RASA1: variants seen among roughly 807,000 people sequenced by gnomAD.
RASA1 encodes the protein ras GTPase-activating protein 1.
Under a neutral mutation model 132.2 loss-of-function variants are expected in RASA1, and 25 were observed. That is an observed-to-expected ratio of 0.19 (90% confidence interval 0.14 to 0.26). RASA1 has a LOEUF of 0.26. Ranked by LOEUF, RASA1 falls within the 10% of genes least tolerant of loss-of-function variation. The pLI, the probability that RASA1 is intolerant of heterozygous loss-of-function variation, is 1.00. For synonymous variants in RASA1, 477 were observed against 449.9 expected, an observed-to-expected ratio of 1.06 and a Z score of -0.76; for missense variants, 964 against 1,299.2, an observed-to-expected ratio of 0.74 and a Z score of 3.97.
intron 9 of RASA1, among the ~76,000 whole-genome samples, chr5:87,357,843 G>GT (rs754664406): frequency 2.6e-5 from 4 of 152,174 alleles, no homozygotes; most frequent in Non-Finnish European, 5.9e-5. Context: ...CCTCCAATTG[G>GT]TTTTGCAGAA....
intron 1 of RASA1, among the ~76,000 whole-genome samples, chr5:87,327,146 T>C (rs990556635): frequency 6.6e-6 from 1 of 152,194 alleles, no homozygotes; most frequent in Non-Finnish European, 1.5e-5. Flanking sequence ...TTTATATGTG[T>C]TAGCTCATTT....
intron 1 of RASA1, among the ~76,000 whole-genome samples, chr5:87,274,509 T>C (rs1019477063): frequency 9.2e-5 from 14 of 152,152 alleles, no homozygotes; most frequent in South Asian, 2.1e-4. Flanking sequence ...AGAACTCATA[T>C]TTTTTACTGT....
chr5:87,290,994 G>C (rs568424543), intron 1 of RASA1, among the ~76,000 whole-genome samples: 1 of 152,254 alleles, frequency 6.6e-6, no homozygotes, highest in East Asian at 1.9e-4. Context: ...TTGCTGGATA[G>C]TATAGTAAAA....
intron 5 of RASA1, among the ~76,000 whole-genome samples, chr5:87,338,537 T>TATATATATATATATA (rs1421369290): frequency 7.5e-5 from 6 of 79,792 alleles, no homozygotes; most frequent in Non-Finnish European, 1.6e-4. Flanking sequence ...ATATATAAAA[T>TATATATATATATATA]TTTTTTTTTT....
At chr5:87,361,440 T>C (rs1580352555) in intron 9 of RASA1, among the ~76,000 whole-genome samples, 1 of 152,170 alleles carries the variant, frequency 6.6e-6, no homozygotes, top group Admixed American at 6.5e-5. Context: ...CAGCATAACT[T>C]AGATTTATAA....
At chr5:87,275,118 A>G (rs1184354639) in intron 1 of RASA1, among the ~76,000 whole-genome samples, 1 of 152,202 alleles carries the variant, frequency 6.6e-6, no homozygotes, top group Non-Finnish European at 1.5e-5. Flanking sequence ...TGGTTGCTTT[A>G]CTTCTCTCTC....
intron 17 of RASA1, among the ~76,000 whole-genome samples, chr5:87,377,568 T>G (rs911161894): frequency 1.3e-5 from 2 of 152,000 alleles, no homozygotes; most frequent in Non-Finnish European, 2.9e-5. Context: ...AACTCCTGAC[T>G]TCAGGTGATC....
intron 1 of RASA1, among the ~76,000 whole-genome samples, chr5:87,299,474 C>G (rs1302927261): frequency 6.6e-6 from 1 of 152,036 alleles, no homozygotes; most frequent in Non-Finnish European, 1.5e-5. Context: ...TTTATAGTTA[C>G]CAAAAAGGCT....
chr5:87,391,117 A>G lies in RASA1; in HGVS notation c.*234A>G, dbSNP rs1203745310. On this transcript the variant is annotated 3_prime_UTR_variant, in exon 25 of 25. Transcript: ENST00000274376. ...TTCCACATGGAATCAATCTTTAACA[A>G]CCTCTGAGCCTTGGTGTACAGACCA... 1.6e-6 allele frequency: 1 copy of G among 609,998 alleles called. No individual in the cohort carries two copies. Among genetic ancestry groups the G allele is most frequent in the East Asian group, 2.8e-5 (1 of 36,156 alleles). 37.8% of individuals were successfully genotyped at this position (609,998 alleles called of 1,614,324 possible). A position where few individuals can be genotyped will look rare whatever the true frequency, so the allele number is the denominator to read the frequency against.
chr5:87,391,011 T>C lies in RASA1; in HGVS notation c.*128T>C. 2.1e-6 allele frequency: 2 copies of C among 949,938 alleles called. No homozygotes were observed. Among genetic ancestry groups the C allele is most frequent in the East Asian group, 2.6e-5 (1 of 38,646 alleles). The allele number at this position is 949,938 out of a possible 1,614,324, so 58.8% of individuals were successfully genotyped here. ...CCACATTCCAGTGATGTGTGAGCTA[T>C]GCAAACAAAATCCAAGATTCTGCTG... On this transcript the variant is annotated 3_prime_UTR_variant, in exon 25 of 25. Coordinates refer to ENST00000274376, the MANE Select transcript of RASA1 (RefSeq NM_002890.3).
intron 9 of RASA1, among the ~76,000 whole-genome samples, chr5:87,359,321 A>T (rs1288782826): frequency 6.6e-6 from 1 of 152,172 alleles, no homozygotes; most frequent in Non-Finnish European, 1.5e-5. Flanking sequence ...CTTGGGAGGA[A>T]TGTAAAAAAT....
chr5:87,385,406 A>G lies in RASA1; in HGVS notation c.2847+17A>G. The G allele has an allele frequency of 6.5e-7, 1 of 1,540,288 alleles. No homozygotes were observed. On this transcript the variant is annotated intron_variant, in intron 22 of 24. Transcript: ENST00000274376. ...GGAGCTAAGGTAAAAACATTTTGAT[A>G]CTTTAAAATGTAATTTATGAATGCA...
intron 4 of RASA1, among the ~76,000 whole-genome samples, chr5:87,335,793 A>G (rs1757935231): frequency 6.6e-6 from 1 of 152,184 alleles, no homozygotes; most frequent in Non-Finnish European, 1.5e-5. Context: ...TCAGTGAACT[A>G]ATATTTTCTA....
chr5:87,279,151 G>A (rs1163560824), intron 1 of RASA1, among the ~76,000 whole-genome samples: 2 of 152,138 alleles, frequency 1.3e-5, no homozygotes. Flanking sequence ...GCTGAGGTGG[G>A]AGGATCACCT....
chr5:87,377,044 T>C lies in RASA1; in HGVS notation c.2344+4T>C, dbSNP rs919731021. 5.6e-6 allele frequency: 9 copies of C among 1,612,310 alleles called. No individual in the cohort carries two copies. In the African/African-American group the frequency reaches 1.1e-4, roughly 19 times the overall value. On this transcript the variant is annotated splice_donor_region_variant and intron_variant, in intron 17 of 24. Transcript: ENST00000274376. Reference sequence around the variant, plus strand: ...GACAGAGAAATAAGCATGGAAGGTATGGTATGGCCATGTTAGTGTGATACA... The same window carrying C: ...GACAGAGAAATAAGCATGGAAGGTACGGTATGGCCATGTTAGTGTGATACA...
intron 7 of RASA1, among the ~76,000 whole-genome samples, chr5:87,348,544 A>G (rs1356642027): frequency 6.6e-6 from 1 of 151,968 alleles, no homozygotes; most frequent in Non-Finnish European, 1.5e-5. Flanking sequence ...GTGTATGTGT[A>G]TTGATTTTTG....
chr5:87,287,193 G>GTA (rs1429403318), intron 1 of RASA1, among the ~76,000 whole-genome samples: 1 of 108,486 alleles, frequency 9.2e-6, no homozygotes, highest in African/African-American at 3.7e-5. Flanking sequence ...TATACACACC[G>GTA]TATATACACA....
intron 7 of RASA1, among the ~76,000 whole-genome samples, chr5:87,347,008 G>A (rs1270008480): frequency 6.6e-6 from 1 of 151,908 alleles, no homozygotes; most frequent in East Asian, 1.9e-4. Flanking sequence ...GAAGTTTTCT[G>A]TGTCTCTGTG....
At chr5:87,354,855 G>T (rs984318153) in intron 9 of RASA1, among the ~76,000 whole-genome samples, 11 of 152,168 alleles carry the variant, frequency 7.2e-5, no homozygotes, top group Non-Finnish European at 1.3e-4. Context: ...CACCCTTATT[G>T]CTGATATAGA....
Sources: gnomAD v4.1 joint callset for allele counts (sites outside exome capture counted in the v4.1 genomes callset) on GRCh38, gnomAD v4.1.1 for gene constraint, MANE v1.5 for transcripts, NCBI Gene and HGNC (gene_info 2026-07-23, HGNC 2026-07-21) for gene names.